PDE8A: variants seen among roughly 807,000 people sequenced by gnomAD.
PDE8A encodes high affinity cAMP-specific and IBMX-insensitive 3',5'-cyclic phosphodiesterase 8A.
Under a neutral mutation model 105.0 loss-of-function variants are expected in PDE8A, and 59 were observed. The ratio of observed to expected loss-of-function variants is 0.56; its 90% confidence interval spans 0.46 to 0.70. The LOEUF is 0.70. PDE8A is among the 30% of genes least tolerant of loss of function. The probability of loss-of-function intolerance (pLI) is 0.00; values close to 1 mark genes in which losing one functional copy is unlikely to be tolerated. For missense variants in PDE8A, 1,014 were observed against 1,045.9 expected (o/e 0.97, Z 0.42); for synonymous variants, 355 against 371.9 (o/e 0.95, Z 0.52).
chr15:84,985,814 A>G (rs1240782058), intron 1 of PDE8A, among the ~76,000 whole-genome samples: 1 of 152,198 alleles, frequency 6.6e-6, no homozygotes, highest in East Asian at 1.9e-4. Flanking sequence ...ACCAGAGTAG[A>G]GGCTGTAAAG....
In PDE8A at chr15:84,982,243, G is replaced by A; in HGVS notation, c.81G>A (p.Ser27=). Residue 27 remains serine, a synonymous_variant, in exon 1 of 22, where the codon TCG becomes TCA. Coordinates refer to ENST00000394553, the MANE Select transcript of PDE8A (RefSeq NM_002605.3). ...DAPSPAAPPL[S]SGGPRLPQGQ... The stretch of plus-strand genomic sequence containing the variant: ...CTAGCCCCGCGGCACCGCCGCTGTC[G>A]TCCGGCGGGCCGCGCCTCCCGCAGG... 1.4e-6 allele frequency: 2 copies of A among 1,463,556 alleles called. No homozygotes were observed. Among genetic ancestry groups the A allele is most frequent in the Non-Finnish European group, 1.8e-6 (2 of 1,116,646 alleles). The allele number at this position is 1,463,556 out of a possible 1,614,324, so 90.7% of individuals were successfully genotyped here. A position where few individuals can be genotyped will look rare whatever the true frequency, so the allele number is the denominator to read the frequency against.
chr15:85,095,155 C>A (rs999437258), intron 8 of PDE8A, among the ~76,000 whole-genome samples: 2 of 152,136 alleles, frequency 1.3e-5, no homozygotes, highest in Non-Finnish European at 2.9e-5. Flanking sequence ...AATAGTCTTA[C>A]TCCTGTTCTG....
At chr15:84,996,091 T>A (rs941444794) in intron 1 of PDE8A, among the ~76,000 whole-genome samples, 1 of 152,240 alleles carries the variant, frequency 6.6e-6, no homozygotes, top group African/African-American at 2.4e-5. Context: ...TTTTAATAAG[T>A]TTGAATGTTA....
chr15:85,075,681 G>A (rs887227610), intron 3 of PDE8A, among the ~76,000 whole-genome samples, 181 bp from the exon 4 acceptor site: 1 of 152,214 alleles, frequency 6.6e-6, no homozygotes, highest in Non-Finnish European at 1.5e-5. Flanking sequence ...CTGAGTGGGA[G>A]TTTGCCCCCA....
chr15:85,126,243 C>A lies in PDE8A; in HGVS notation c.2122C>A (p.Leu708Ile). 6.2e-7 allele frequency: 1 copy of A among 1,612,436 alleles called. No homozygotes were observed. The highest frequency in any genetic ancestry group is 8.5e-7 in the Non-Finnish European group (1 of 1,179,202). Residue 708 changes from leucine to isoleucine, a missense_variant, in exon 20 of 22, where the codon CTT (leucine) becomes ATT (isoleucine). By Grantham distance (5) the Leu-to-Ile change is conservative. Coordinates refer to ENST00000394553, the MANE Select transcript of PDE8A (RefSeq NM_002605.3). ...AAACCAGGAAGTGATAAACACTATG[C>A]TTAGGACTCCAGAGAACCGGACCCT... Reference protein sequence around the residue: ...DKNQEVINTMLRTPENRTLIK... With the variant: ...DKNQEVINTMIRTPENRTLIK...
At chr15:85,035,627 CTAAT>C (rs2080693629) in intron 1 of PDE8A, among the ~76,000 whole-genome samples, 1 of 152,000 alleles carries the variant, frequency 6.6e-6, no homozygotes, top group African/African-American at 2.4e-5. Flanking sequence ...AAATTCAAAA[CTAAT>C]AAATAAATGA....
At chr15:85,094,785 T>C (rs1255426763) in intron 8 of PDE8A, among the ~76,000 whole-genome samples, 2 of 152,118 alleles carry the variant, frequency 1.3e-5, no homozygotes, top group Non-Finnish European at 2.9e-5. Context: ...CTTCCCACAC[T>C]CTGGAGTTAC....
At position 85,137,968 on chromosome 15, in the gene PDE8A, C is replaced by T. The variant is rs925768522; in HGVS notation, c.*65C>T. On this transcript the variant is annotated 3_prime_UTR_variant, in exon 22 of 22. Coordinates refer to ENST00000394553, the MANE Select transcript of PDE8A (RefSeq NM_002605.3). ...GGTCATTTGGAATTCCTGAGGGCAGCCAGAGCTCCTTGGTCCTTTCAGTAC... is the reference window on the plus strand; with the variant it reads ...GGTCATTTGGAATTCCTGAGGGCAGTCAGAGCTCCTTGGTCCTTTCAGTAC... 2.0e-6 allele frequency: 2 copies of T among 1,005,186 alleles called. No homozygotes were observed. The highest frequency in any genetic ancestry group is 1.6e-6 in the Non-Finnish European group (1 of 637,394). 62.3% of individuals were successfully genotyped at this position (1,005,186 alleles called of 1,614,324 possible). A position where few individuals can be genotyped will look rare whatever the true frequency, so the allele number is the denominator to read the frequency against.
chr15:85,081,659 C>G (rs1323521983), intron 5 of PDE8A, among the ~76,000 whole-genome samples: 2 of 152,132 alleles, frequency 1.3e-5, no homozygotes, highest in East Asian at 1.9e-4. Flanking sequence ...CCTCCATGCC[C>G]TGTGGGATCC....
chr15:84,984,649 G>C (rs2079772925), intron 1 of PDE8A, among the ~76,000 whole-genome samples: 1 of 152,184 alleles, frequency 6.6e-6, no homozygotes, highest in African/African-American at 2.4e-5. Context: ...TTTAGGTTAA[G>C]CAGTATGTAC....
At chr15:85,099,300 G>GC (rs2081816635) in intron 9 of PDE8A, among the ~76,000 whole-genome samples, 1 of 152,222 alleles carries the variant, frequency 6.6e-6, no homozygotes, top group Admixed American at 6.5e-5. Context: ...AGCGTGAGGC[G>GC]CAGCCAGGCT....
chr15:85,108,083 C>T (rs903898985), intron 11 of PDE8A, among the ~76,000 whole-genome samples: 8 of 152,124 alleles, frequency 5.3e-5, no homozygotes, highest in Admixed American at 1.3e-4. Flanking sequence ...TGAGTTGTAG[C>T]CTTCAGATTT....
chr15:85,037,493 C>G (rs2080727750), intron 1 of PDE8A, among the ~76,000 whole-genome samples: 1 of 152,138 alleles, frequency 6.6e-6, no homozygotes, highest in Non-Finnish European at 1.5e-5. Flanking sequence ...TTAGTTTTGC[C>G]TGATTTGAAC....
At chr15:85,134,988 A>G (rs777688877) in intron 20 of PDE8A, among the ~76,000 whole-genome samples, 11 of 152,200 alleles carry the variant, frequency 7.2e-5, no homozygotes, top group Non-Finnish European at 1.5e-4. Flanking sequence ...CTGGTGCCGT[A>G]GAGCTGCGGT....
chr15:85,138,153 G>A lies in PDE8A; in HGVS notation c.*250G>A, dbSNP rs2082442498. ...CTTCAGAAAGGCACATGAGGACCAC[G>A]GTTTGCCTCAGTTTCTGGTAAAACA... is the stretch of plus-strand genomic sequence containing the variant. On this transcript the variant is annotated 3_prime_UTR_variant, in exon 22 of 22. Coordinates refer to ENST00000394553, the MANE Select transcript of PDE8A (RefSeq NM_002605.3). The A allele has an allele frequency of 1.2e-5, 5 of 401,046 alleles. No individual in the cohort carries two copies. The highest frequency in any genetic ancestry group is 1.2e-4 in the East Asian group (3 of 24,456). 24.8% of individuals were successfully genotyped at this position (401,046 alleles called of 1,614,324 possible).
At chr15:85,005,123 C>CT (rs879729813) in intron 1 of PDE8A, among the ~76,000 whole-genome samples, 1 of 151,636 alleles carries the variant, frequency 6.6e-6, no homozygotes, top group African/African-American at 2.4e-5. Context: ...TACTATAGGA[C>CT]TTTTTTTTGT....
At chr15:85,050,647 C>T (rs1387040925) in intron 1 of PDE8A, among the ~76,000 whole-genome samples, 1 of 152,074 alleles carries the variant, frequency 6.6e-6, no homozygotes, top group Non-Finnish European at 1.5e-5. Context: ...TATTTCTGGG[C>T]CCTTTATTCT....
intron 1 of PDE8A, among the ~76,000 whole-genome samples, chr15:85,028,398 A>G (rs289395): frequency 0.49 from 74,490 of 151,774 alleles, 18,519 homozygotes; most frequent in East Asian, 0.56. Flanking sequence ...TATTTTTTGT[A>G]GAGACAAGAT....
intron 1 of PDE8A, among the ~76,000 whole-genome samples, chr15:85,015,311 C>T (rs114447749): frequency 0.03 from 4,502 of 151,692 alleles, 247 homozygotes; most frequent in African/African-American, 0.1. Context: ...ACCGGAGCCT[C>T]GACCTCCCGG....
Sources: allele counts gnomAD v4.1 joint callset (sites outside exome capture counted in the v4.1 genomes callset), GRCh38; gene constraint gnomAD v4.1.1; transcripts MANE v1.5; gene names NCBI Gene and HGNC (gene_info 2026-07-23, HGNC 2026-07-21).